Variants in PDZRN4 observed in about 807,000 individuals in gnomAD.
The protein encoded by PDZRN4 is PDZ domain-containing RING finger protein 4.
PDZRN4 carries 70 observed loss-of-function variants against 99.0 expected under a neutral mutation model. That is an observed-to-expected ratio of 0.71 (90% CI 0.58 to 0.86). The LOEUF (loss-of-function observed/expected upper bound fraction) is 0.86, where lower values mean the gene tolerates loss of function less well. Ranked by LOEUF, PDZRN4 falls within the 40% of genes least tolerant of loss-of-function variation. The pLI is 0.00. For missense variants in PDZRN4, 1,474 were observed against 1,331.2 expected, an observed-to-expected ratio of 1.11 and a Z score of -1.67; for synonymous variants, 551 against 501.6, an observed-to-expected ratio of 1.10 and a Z score of -1.32.
intron 3 of PDZRN4, among the ~76,000 whole-genome samples, chr12:41,241,096 G>C (rs1207324372): frequency 6.6e-6 from 1 of 151,580 alleles, no homozygotes. Context: ...TATCCAAAAT[G>C]CTCAAGACCA....
chr12:41,572,835 G>A lies in PDZRN4; in HGVS notation c.2056G>A (p.Ala686Thr), dbSNP rs1939506554. 1 of 1,614,120 alleles carries A rather than the reference G, an allele frequency of 6.2e-7. No homozygotes were observed. Among genetic ancestry groups the A allele is most frequent in the African/African-American group, 1.3e-5 (1 of 75,034 alleles). Residue 686 changes from alanine (A) to threonine (T), a missense_variant, in exon 10 of 10, where the codon GCT (alanine) becomes ACT (threonine). Coordinates refer to ENST00000402685, the MANE Select transcript of PDZRN4 (RefSeq NM_001164595.2). ...IELECQNIMQ[A>T]HRLQKVTDQY... ...GCTTGAGTGTCAGAATATCATGCAG[G>A]CTCACAGGCTCCAGAAAGTGACAGA...
chr12:41,268,004 G>A (rs1262654508), intron 3 of PDZRN4, among the ~76,000 whole-genome samples: 1 of 152,118 alleles, frequency 6.6e-6, no homozygotes, highest in African/African-American at 2.4e-5. Flanking sequence ...CCTCTACTCT[G>A]AACTACTCTG....
chr12:41,483,218 C>T (rs906814409), intron 3 of PDZRN4, among the ~76,000 whole-genome samples: 4 of 151,990 alleles, frequency 2.6e-5, no homozygotes, highest in Non-Finnish European at 5.9e-5. Flanking sequence ...ATTATTTCTT[C>T]TTCATTTTTC....
intron 3 of PDZRN4, chr12:41,437,586 A>AC: frequency 3.4e-6 from 1 of 292,946 alleles, no homozygotes; most frequent in Non-Finnish European, 5.9e-6. Flanking sequence ...CAGCTATGAC[A>AC]CCCCTCCCTG....
rs1939501613 is a variant in PDZRN4, at chr12:41,572,587, ATGAGAGCCTCGTATCTGG to A, written c.1812_1829del (p.Ser605_Glu610del). Reference sequence around the variant, plus strand: ...CTGGGAAGTGTTGAACTTCAGTACAATGAGAGCCTCGTATCTGGTGAATACATTGACTCAGACTGCATT... The same window carrying A: ...CTGGGAAGTGTTGAACTTCAGTACAATGAATACATTGACTCAGACTGCATT... On this transcript the variant is annotated inframe_deletion, in exon 10 of 10. Coordinates refer to ENST00000402685, the MANE Select transcript of PDZRN4 (RefSeq NM_001164595.2). 10 of 1,614,166 alleles carry A rather than the reference ATGAGAGCCTCGTATCTGG, an allele frequency of 6.2e-6. No homozygotes were observed. Among genetic ancestry groups the A allele is most frequent in the Non-Finnish European group, 8.5e-6 (10 of 1,180,022 alleles).
intron 3 of PDZRN4, among the ~76,000 whole-genome samples, chr12:41,452,080 G>A (rs890854426): frequency 1.3e-5 from 2 of 150,190 alleles, no homozygotes; most frequent in Non-Finnish European, 2.9e-5. Flanking sequence ...TTAATATCCT[G>A]TAATAAGTTA....
chr12:41,194,035 A>G, intron 2 of PDZRN4, 46 bp from the exon 3 acceptor site: 1 of 851,024 alleles, frequency 1.2e-6, no homozygotes, highest in Non-Finnish European at 2.0e-6. Flanking sequence ...AATAATATTT[A>G]AATTTTGCTT....
intron 5 of PDZRN4, among the ~76,000 whole-genome samples, chr12:41,519,715 C>T (rs1938461226): frequency 6.6e-6 from 1 of 152,038 alleles, no homozygotes; most frequent in Non-Finnish European, 1.5e-5. Flanking sequence ...AGAACAATTT[C>T]ATGCCAGTTT....
chr12:41,480,600 C>G (rs529759957), intron 3 of PDZRN4, among the ~76,000 whole-genome samples: 1 of 152,038 alleles, frequency 6.6e-6, no homozygotes, highest in Non-Finnish European at 1.5e-5. Flanking sequence ...ATATAATAAA[C>G]GAAAACATAT....
chr12:41,234,009 C>T (rs1156598250), intron 3 of PDZRN4, among the ~76,000 whole-genome samples: 3 of 151,496 alleles, frequency 2.0e-5, no homozygotes, highest in Non-Finnish European at 4.4e-5. Context: ...CTCTGATTGG[C>T]CCCCGTCAGA....
chr12:41,418,054 G>A (rs1007659893), intron 3 of PDZRN4, among the ~76,000 whole-genome samples: 1 of 152,064 alleles, frequency 6.6e-6, no homozygotes, highest in Non-Finnish European at 1.5e-5. Flanking sequence ...TAAAAATACT[G>A]AACATTAAAT....
intron 5 of PDZRN4, among the ~76,000 whole-genome samples, chr12:41,521,615 A>G (rs901278313): frequency 9.9e-5 from 15 of 152,144 alleles, no homozygotes; most frequent in African/African-American, 3.1e-4. Flanking sequence ...CATCAGATGT[A>G]CTTGACAGAG....
At chr12:41,475,012 C>A (rs1953027035) in intron 3 of PDZRN4, among the ~76,000 whole-genome samples, 1 of 152,094 alleles carries the variant, frequency 6.6e-6, no homozygotes, top group African/African-American at 2.4e-5. Flanking sequence ...ACATAGATAC[C>A]TGAATTTCCC....
chr12:41,520,619 G>GAC (rs10580466), intron 5 of PDZRN4, among the ~76,000 whole-genome samples: 6,887 of 137,240 alleles, frequency 0.05, 197 homozygotes, highest in East Asian at 0.097. Flanking sequence ...CCTAAATACA[G>GAC]ACACACACAC....
chr12:41,567,993 G>A (rs1397280066), intron 9 of PDZRN4, 94 bp downstream of exon 9: 3 of 719,052 alleles, frequency 4.2e-6, no homozygotes, highest in African/African-American at 3.6e-5. Flanking sequence ...AAATCAAAGG[G>A]TTTAATCCAT....
chr12:41,264,306 T>C (rs774169759), intron 3 of PDZRN4, among the ~76,000 whole-genome samples: 39 of 152,314 alleles, frequency 2.6e-4, no homozygotes, highest in Admixed American at 1.2e-3. Flanking sequence ...AATTATGACA[T>C]TGTTTTTTAA....
intron 3 of PDZRN4, among the ~76,000 whole-genome samples, chr12:41,390,425 C>T (rs1417220611): frequency 1.3e-5 from 2 of 151,906 alleles, no homozygotes; most frequent in Non-Finnish European, 2.9e-5. Flanking sequence ...TTGCTCCCCA[C>T]CCCTAACCAA....
intron 8 of PDZRN4, among the ~76,000 whole-genome samples, 172 bp from the exon 9 acceptor site, chr12:41,567,611 T>C (rs2120847614): frequency 6.6e-6 from 1 of 152,134 alleles, no homozygotes; most frequent in African/African-American, 2.4e-5. Flanking sequence ...GTCCTTTTTT[T>C]TTTTTTTTAT....
At chr12:41,217,088 G>GAT in intron 3 of PDZRN4, among the ~76,000 whole-genome samples, 1 of 152,186 alleles carries the variant, frequency 6.6e-6, no homozygotes, top group Middle Eastern at 3.4e-3. Flanking sequence ...GGTCAAAACT[G>GAT]ATAGGTTAGA....
Sources: gnomAD v4.1 joint callset for allele counts (sites outside exome capture counted in the v4.1 genomes callset) on GRCh38, gnomAD v4.1.1 for gene constraint, MANE v1.5 for transcripts, NCBI Gene and HGNC (gene_info 2026-07-23, HGNC 2026-07-21) for gene names.